The following AGO3 variants were observed in gnomAD, a reference collection of about 807,000 sequenced individuals.
The protein encoded by AGO3 is protein argonaute-3.
In AGO3, 16 loss-of-function variants were observed where a neutral mutation model predicts 105.5. That is an observed-to-expected ratio of 0.15 (90% CI 0.10 to 0.23). The LOEUF (loss-of-function observed/expected upper bound fraction) is 0.23, where lower values mean the gene tolerates loss of function less well. AGO3 is among the 10% of genes least tolerant of loss of function. AGO3 has a pLI of 1.00. For missense variants in AGO3, 534 were observed against 1,088.0 expected (o/e 0.49, Z 7.16); for synonymous variants, 340 against 367.3 (o/e 0.93, Z 0.85).
chr1:36,010,508 G>A (rs1305085953), intron 9 of AGO3, among the ~76,000 whole-genome samples: 1 of 151,728 alleles, frequency 6.6e-6, no homozygotes, highest in Non-Finnish European at 1.5e-5. Flanking sequence ...GGTGGCTGAG[G>A]CATGAGAATA....
Position 36,056,760 on chromosome 1 carries a change from T to C in AGO3, c.*1015T>C, listed in dbSNP as rs560995016. The stretch of plus-strand genomic sequence containing the variant: ...TCTTTTCTTTCTTTTTTTTTTTTAA[T>C]GAGACAGAGCCTCGCTCTGTCACCA... On this transcript the variant is annotated 3_prime_UTR_variant, in exon 19 of 19. Coordinates refer to ENST00000373191, the MANE Select transcript of AGO3 (RefSeq NM_024852.4). 1.3e-4 allele frequency: 20 copies of C among 151,510 alleles called. 1 individual carries two copies. In the South Asian group the frequency reaches 4.0e-3, roughly 30 times the overall value. 9.4% of individuals were successfully genotyped at this position (151,510 alleles called of 1,614,324 possible). A position where few individuals can be genotyped will look rare whatever the true frequency, so the allele number is the denominator to read the frequency against.
intron 12 of AGO3, among the ~76,000 whole-genome samples, chr1:36,028,597 A>C (rs1569859729): frequency 6.6e-6 from 1 of 152,070 alleles, no homozygotes; most frequent in East Asian, 1.9e-4. Context: ...ATGGCTGCGT[A>C]GTATTCCATG....
intron 5 of AGO3, among the ~76,000 whole-genome samples, chr1:35,974,519 C>T (rs2148777063): frequency 6.6e-6 from 1 of 152,198 alleles, no homozygotes; most frequent in Middle Eastern, 3.4e-3. Flanking sequence ...AGTTTCATTC[C>T]ATTCTGGTTC....
intron 17 of AGO3, among the ~76,000 whole-genome samples, chr1:36,050,443 G>A (rs868101474): frequency 6.6e-6 from 1 of 151,518 alleles, no homozygotes; most frequent in Non-Finnish European, 1.5e-5. Context: ...CCAAGATCAC[G>A]CCACTGCACT....
chr1:36,052,756 A>G (rs1642768310), intron 17 of AGO3, among the ~76,000 whole-genome samples: 1 of 152,198 alleles, frequency 6.6e-6, no homozygotes, highest in Non-Finnish European at 1.5e-5. Context: ...TCAGGCCTGT[A>G]ATCTCAGCAC....
At chr1:36,014,175 T>C (rs1386823100) in intron 11 of AGO3, 127 bp downstream of exon 11, 3 of 1,283,096 alleles carry the variant, frequency 2.3e-6, no homozygotes, top group Non-Finnish European at 3.3e-6. Context: ...TTTTTTTTTT[T>C]TGAGACAGAG....
Position 35,931,188 on chromosome 1 carries a change from C to T in AGO3, c.-239C>T, listed in dbSNP as rs368650571. On this transcript the variant is annotated 5_prime_UTR_variant, in exon 1 of 19. Transcript: ENST00000373191. ...GCGATGCAACTTCCGGACGGGACTCCCCTCTGTCCGCGCCTCACATCTCCC... is the reference window on the plus strand; with the variant it reads ...GCGATGCAACTTCCGGACGGGACTCTCCTCTGTCCGCGCCTCACATCTCCC... The T allele has an allele frequency of 7.9e-4, 317 of 400,310 alleles. 3 individuals are homozygous for T. In the Middle Eastern group the frequency reaches 0.013, roughly 17 times the overall value. 24.8% of individuals were successfully genotyped at this position (400,310 alleles called of 1,614,324 possible).
chr1:35,991,209 CAGG>C (rs558782253), intron 5 of AGO3, among the ~76,000 whole-genome samples: 50 of 152,176 alleles, frequency 3.3e-4, no homozygotes, highest in Non-Finnish European at 5.9e-4. Context: ...GAGGCTGAGA[CAGG>C]AGAACCCAGG....
At chr1:36,034,818 C>A (rs1641933483) in intron 13 of AGO3, among the ~76,000 whole-genome samples, 1 of 152,178 alleles carries the variant, frequency 6.6e-6, no homozygotes, top group African/African-American at 2.4e-5. Flanking sequence ...AACTGGGAGC[C>A]CAGATTAGTC....
chr1:36,036,038 A>C, intron 13 of AGO3, 139 bp from the exon 14 acceptor site: 1 of 692,754 alleles, frequency 1.4e-6, no homozygotes, highest in Admixed American at 3.3e-5. Context: ...GTCTCAAAAA[A>C]AAAAAAAAAA....
At chr1:35,949,353 T>A (rs1045934974) in intron 2 of AGO3, among the ~76,000 whole-genome samples, 1 of 152,262 alleles carries the variant, frequency 6.6e-6, no homozygotes, top group Non-Finnish European at 1.5e-5. Context: ...TCTGCAAAAC[T>A]TATTCCGTTT....
intron 5 of AGO3, among the ~76,000 whole-genome samples, chr1:36,002,140 C>G (rs892190030): frequency 6.6e-6 from 1 of 152,016 alleles, no homozygotes; most frequent in Non-Finnish European, 1.5e-5. Flanking sequence ...TGGCCTTAGC[C>G]TTCTGAGTAG....
intron 1 of AGO3, among the ~76,000 whole-genome samples, chr1:35,932,850 A>G (rs1377528486): frequency 6.6e-6 from 1 of 152,238 alleles, no homozygotes; most frequent in African/African-American, 2.4e-5. Context: ...CTGGAAAACA[A>G]GTCATGAAGG....
Position 35,966,244 on chromosome 1 carries a change from C to T in AGO3, c.192-711C>T, listed in dbSNP as rs544700969. Among the ~76,000 whole-genome samples the T allele has an allele frequency of 2.0e-5, 3 of 152,338 alleles. No individual in the cohort carries two copies. The South Asian group carries it at 6.2e-4, about 32-fold the overall frequency. ...CCCTGTAATCCTGTCACTTCCCTCT[C>T]TAGAGGTAACCACCATTTGGAATAT... On this transcript the variant is annotated intron_variant, in intron 2 of 18. Coordinates refer to ENST00000373191, the MANE Select transcript of AGO3 (RefSeq NM_024852.4).
rs1338727755 is a variant in AGO3, at chr1:36,071,683, AG to A, written c.*15939del. 2.6e-5 allele frequency: 4 copies of A among 152,212 alleles called. No individual in the cohort carries two copies. In the East Asian group the frequency reaches 7.7e-4, roughly 29 times the overall value. 9.4% of individuals were successfully genotyped at this position (152,212 alleles called of 1,614,324 possible). On this transcript the variant is annotated 3_prime_UTR_variant, in exon 19 of 19. Transcript: ENST00000373191. ...ATTTATTGTAGTATTTCAAGACTGC[AG>A]AATTTCAAGTGTATATCTATAAATC...
chr1:36,055,139 A>T lies in AGO3; in HGVS notation c.2468A>T (p.His823Leu), dbSNP rs757471326. 6.3e-7 allele frequency: 1 copy of T among 1,596,220 alleles called. No individual in the cohort carries two copies. The highest frequency in any genetic ancestry group is 1.3e-5 in the African/African-American group (1 of 74,642). Reference sequence around the variant, plus strand: ...AGATATCATCTTGTGGACAAAGAACATGACAGGTAATATAAAAGCATAACA... The same window carrying T: ...AGATATCATCTTGTGGACAAAGAACTTGACAGGTAATATAAAAGCATAACA... ...RARYHLVDKE[H>L]DSAEGSHVSG... Residue 823 changes from histidine (H) to leucine (L), a missense_variant, in exon 18 of 19, where the codon CAT (histidine) becomes CTT (leucine). His to Leu is a moderately conservative substitution (Grantham distance 99, BLOSUM62 -3). Transcript: ENST00000373191. The surrounding 1 kb of genome is among the most constrained non-coding windows in gnomAD (Gnocchi z 4.4).
chr1:36,035,779 T>C (rs1641974412), intron 13 of AGO3, among the ~76,000 whole-genome samples: 1 of 152,204 alleles, frequency 6.6e-6, no homozygotes, highest in Non-Finnish European at 1.5e-5. Context: ...ACGCCTGTAA[T>C]CCCAGCACTT....
intron 2 of AGO3, 35 bp downstream of exon 2, chr1:35,945,898 T>A (rs903354797): frequency 6.3e-7 from 1 of 1,574,954 alleles, no homozygotes. Flanking sequence ...TCTTTTGCTA[T>A]TTTTTTCCTT....
chr1:36,009,613 A>C lies in AGO3; in HGVS notation c.1149+19A>C. 1 of 1,601,674 alleles carries C rather than the reference A, an allele frequency of 6.2e-7. No homozygotes were observed. On this transcript the variant is annotated intron_variant, in intron 9 of 18. Transcript: ENST00000373191. ...CAGATTGGTTAGTACTTAACCTTAG[A>C]AATGAGAATTTAAAACATATTAGGG...
Sources: gnomAD v4.1 joint callset for allele counts (sites outside exome capture counted in the v4.1 genomes callset) on GRCh38, gnomAD v4.1.1 for gene constraint, Gnocchi (gnomAD v3.1) non-coding constraint, MANE v1.5 for transcripts, NCBI Gene and HGNC (gene_info 2026-07-23, HGNC 2026-07-21) for gene names.